The following RADIL variants were observed in gnomAD, a reference collection of about 807,000 sequenced individuals.
RADIL encodes the protein Rap associating with DIL domain.
Under a neutral mutation model 97.6 loss-of-function variants are expected in RADIL, and 99 were observed. The observed-to-expected ratio is 1.01, with a 90% CI of 0.86 to 1.20. RADIL has a LOEUF of 1.20. Ranked by LOEUF, RADIL falls within the 50% of genes most tolerant of loss-of-function variation. The pLI is 0.00. For synonymous variants in RADIL, 803 were observed against 691.8 expected (o/e 1.16, Z -2.52); for missense variants, 1,765 against 1,498.9 (o/e 1.18, Z -2.93).
chr7:4,820,706 G>T (rs1292326843), intron 6 of RADIL, among the ~76,000 whole-genome samples: 1 of 152,150 alleles, frequency 6.6e-6, no homozygotes, highest in Non-Finnish European at 1.5e-5. Flanking sequence ...CCAGGAGCGG[G>T]GGCCCCACCC....
rs773789412 is a variant in RADIL, at chr7:4,861,688, C to A, written c.535+15917G>T. 23 of 1,586,520 alleles carry A rather than the reference C, an allele frequency of 1.4e-5. No homozygotes were observed. Among genetic ancestry groups the A allele is most frequent in the Non-Finnish European group, 2.0e-5 (23 of 1,167,732 alleles). Reference sequence around the variant, plus strand: ...AGGGCCTGAGGGTTTCTATTAGCCTCTGGGTGAGGAGGCAGTCCGTCTCCT... The same window carrying A: ...AGGGCCTGAGGGTTTCTATTAGCCTATGGGTGAGGAGGCAGTCCGTCTCCT... On this transcript the variant is annotated intron_variant, in intron 2 of 14. Coordinates refer to ENST00000399583, the MANE Select transcript of RADIL (RefSeq NM_018059.5).
In RADIL at chr7:4,880,014, C is replaced by T. The variant is rs75788898; in HGVS notation, c.-64-1811G>A. Reference sequence around the variant, plus strand: ...CGCACACCAGAGACTGGGTTCCCAACGCGGACGTCTGCCCTGCGGGGTGGG... The same window carrying T: ...CGCACACCAGAGACTGGGTTCCCAATGCGGACGTCTGCCCTGCGGGGTGGG... On this transcript the variant is annotated intron_variant, in intron 1 of 14. Transcript: ENST00000399583. The surrounding 1 kb of genome is among the most constrained non-coding windows in gnomAD (Gnocchi z 4.5). 2.5e-4 allele frequency among the ~76,000 whole-genome samples: 38 copies of T among 152,302 alleles called. No individual in the cohort carries two copies. The East Asian group carries it at 7.0e-3, about 28-fold the overall frequency.
chr7:4,808,448 G>A (rs1017000148), intron 9 of RADIL: 1 of 324,830 alleles, frequency 3.1e-6, no homozygotes, highest in Admixed American at 6.5e-5. Context: ...TGTTTCAGGG[G>A]TCATCAAACT....
At chr7:4,848,484 G>T (rs1783630643) in intron 2 of RADIL, among the ~76,000 whole-genome samples, 1 of 151,970 alleles carries the variant, frequency 6.6e-6, no homozygotes, top group Non-Finnish European at 1.5e-5. Flanking sequence ...CTTAAAAGAG[G>T]GAAGACAACA....
At chr7:4,827,603 G>A (rs1229382663) in intron 5 of RADIL, among the ~76,000 whole-genome samples, 1 of 152,230 alleles carries the variant, frequency 6.6e-6, no homozygotes, top group Non-Finnish European at 1.5e-5. Flanking sequence ...GGAGGTTGCA[G>A]TGAGCCGAGA....
At chr7:4,800,656 C>A (rs117287992) in intron 12 of RADIL, among the ~76,000 whole-genome samples, 2,478 of 152,276 alleles carry the variant, frequency 0.016, 35 homozygotes, top group Middle Eastern at 0.051. Flanking sequence ...CCTCCCTCCA[C>A]ACCCAGATGT....
In RADIL at chr7:4,809,103, T is replaced by A. The variant is rs1263045531; in HGVS notation, c.2140-3387A>T. On this transcript the variant is annotated intron_variant, in intron 9 of 14. Transcript: ENST00000399583. Reference sequence around the variant, plus strand: ...TCTCCTGTAGACGCTCTGCTCAGGATGCGGGGCGCAGGACAGGCGCTTCCT... The same window carrying A: ...TCTCCTGTAGACGCTCTGCTCAGGAAGCGGGGCGCAGGACAGGCGCTTCCT... The A allele has an allele frequency of 4.1e-6, 4 of 983,340 alleles. No individual in the cohort carries two copies. The East Asian group carries it at 4.6e-4, about 113-fold the overall frequency. 60.9% of individuals were successfully genotyped at this position (983,340 alleles called of 1,614,324 possible). A position where few individuals can be genotyped will look rare whatever the true frequency, so the allele number is the denominator to read the frequency against.
chr7:4,825,493 T>C (rs914710777), intron 5 of RADIL, among the ~76,000 whole-genome samples: 11 of 151,094 alleles, frequency 7.3e-5, no homozygotes, highest in Non-Finnish European at 1.2e-4. Context: ...CCTGGAGAGG[T>C]TGTGAGTGAG....
intron 9 of RADIL, chr7:4,811,439 T>A (rs575488905): frequency 1.3e-5 from 2 of 152,040 alleles, no homozygotes; most frequent in African/African-American, 2.4e-5. Context: ...TTCCTCTTTT[T>A]CTACTTTCTG....
At chr7:4,802,998 T>G in intron 11 of RADIL, among the ~76,000 whole-genome samples, 1 of 65,614 alleles carries the variant, frequency 1.5e-5, no homozygotes, top group Non-Finnish European at 2.6e-5. Context: ...GCACTCTGGC[T>G]GGGCCCCCTC....
Position 4,837,751 on chromosome 7 carries a change from A to G in RADIL, c.536-1146T>C. The G allele has an allele frequency of 1.3e-6, 1 of 796,174 alleles. No individual in the cohort carries two copies. The highest frequency in any genetic ancestry group is 1.5e-6 in the Non-Finnish European group (1 of 657,674). 49.3% of individuals were successfully genotyped at this position (796,174 alleles called of 1,614,324 possible). On this transcript the variant is annotated intron_variant, in intron 2 of 14. Transcript: ENST00000399583. This position sits in a 1 kb window ranked among gnomAD's most constrained non-coding sequence, Gnocchi z 5.6. ...AACACACACCCTTAGAAGACTTAAT[A>G]TCTCATAAATACAGACACGCTCTCT...
At chr7:4,861,865 C>T (rs975758619) in intron 2 of RADIL, 1 of 1,256,654 alleles carries the variant, frequency 8.0e-7, no homozygotes, top group Non-Finnish European at 1.1e-6. Context: ...CCTTCGCGGC[C>T]GCCGCCCGGG....
At chr7:4,846,345 C>T (rs184535048) in intron 2 of RADIL, among the ~76,000 whole-genome samples, 1 of 152,072 alleles carries the variant, frequency 6.6e-6, no homozygotes, top group Non-Finnish European at 1.5e-5. Flanking sequence ...CGGGGTTTCA[C>T]CATGTTGTCC....
chr7:4,832,134 T>C lies in RADIL; in HGVS notation c.1454+7A>G. On this transcript the variant is annotated splice_region_variant and intron_variant, in intron 5 of 14. Coordinates refer to ENST00000399583, the MANE Select transcript of RADIL (RefSeq NM_018059.5). Reference sequence around the variant, plus strand: ...AGAGGCGGGCACAATAACCGGGTCATACTCACAGTTGCGCCTGCTTCTCTG... The same window carrying C: ...AGAGGCGGGCACAATAACCGGGTCACACTCACAGTTGCGCCTGCTTCTCTG... 1.2e-6 allele frequency: 2 copies of C among 1,608,068 alleles called. No homozygotes were observed. Among genetic ancestry groups the C allele is most frequent in the Non-Finnish European group, 1.7e-6 (2 of 1,176,016 alleles).
intron 2 of RADIL, among the ~76,000 whole-genome samples, chr7:4,838,663 G>C (rs546561826): frequency 5.9e-5 from 9 of 152,352 alleles, no homozygotes; most frequent in Non-Finnish European, 5.9e-5. Context: ...TGCTGGGTAG[G>C]CCTGCATGTG....
intron 9 of RADIL, among the ~76,000 whole-genome samples, chr7:4,810,829 T>C (rs1255672130): frequency 6.6e-6 from 1 of 152,174 alleles, no homozygotes; most frequent in Non-Finnish European, 1.5e-5. Context: ...TTCTCATGTG[T>C]TCGGTGTTTA....
In RADIL at chr7:4,877,783, G is replaced by T. The variant is rs539809610; in HGVS notation, c.357C>A (p.Ala119=). ...QYVLCDVVGQ[A]GDAGQRWQAR... is the part of the protein sequence containing the mutation. ...CCTGCCACCGCTGCCCAGCATCGCCGGCTTGGCCCACCACGTCACACAGCA... is the reference window on the plus strand; with the variant it reads ...CCTGCCACCGCTGCCCAGCATCGCCTGCTTGGCCCACCACGTCACACAGCA... The change falls in exon 2 of 15, where the codon GCC becomes GCA. Residue 119 remains alanine (A), a synonymous_variant. Coordinates refer to ENST00000399583, the MANE Select transcript of RADIL (RefSeq NM_018059.5). The T allele has an allele frequency of 2.5e-6, 4 of 1,612,290 alleles. No homozygotes were observed. In the Admixed American group the frequency reaches 6.7e-5, roughly 27 times the overall value.
In RADIL at chr7:4,836,321, T is replaced by C. The variant is rs374017906; in HGVS notation, c.783+37A>G. 6.2e-5 allele frequency: 97 copies of C among 1,558,134 alleles called. No individual in the cohort carries two copies. In the Middle Eastern group the frequency reaches 2.3e-3, roughly 37 times the overall value. ...TGAGTCCCGCCTGCTGTCCCTGCAGTGGCACCGGGCAGTGGGTGTCAGGAG... is the reference window on the plus strand; with the variant it reads ...TGAGTCCCGCCTGCTGTCCCTGCAGCGGCACCGGGCAGTGGGTGTCAGGAG... On this transcript the variant is annotated intron_variant, in intron 3 of 14. Transcript: ENST00000399583.
Position 4,877,759 on chromosome 7 carries a change from C to T in RADIL, c.381G>A (p.Gln127=). Residue 127 remains glutamine, a synonymous_variant, in exon 2 of 15, where the codon CAG becomes CAA. Transcript: ENST00000399583. The stretch of plus-strand genomic sequence containing the variant: ...CCCCAAACACCCGAAAGCACCGGGC[C>T]TGCCACCGCTGCCCAGCATCGCCGG... ...GQAGDAGQRW[Q]ARCFRVFGDS... is the part of the protein sequence containing the mutation. 6.2e-7 allele frequency: 1 copy of T among 1,613,412 alleles called. No individual in the cohort carries two copies. The highest frequency in any genetic ancestry group is 8.5e-7 in the Non-Finnish European group (1 of 1,180,016).
Sources: allele counts gnomAD v4.1 joint callset (sites outside exome capture counted in the v4.1 genomes callset), GRCh38; gene constraint gnomAD v4.1.1; non-coding constraint Gnocchi (gnomAD v3.1); transcripts MANE v1.5; gene names NCBI Gene and HGNC (gene_info 2026-07-23, HGNC 2026-07-21).